The following GSE1 variants were observed in gnomAD, a reference collection of about 807,000 sequenced individuals.
GSE1 encodes the protein genetic suppressor element 1.
GSE1 carries 32 observed loss-of-function variants against 112.6 expected under a neutral mutation model. The observed-to-expected ratio is 0.28, with a 90% CI of 0.21 to 0.38. The LOEUF (loss-of-function observed/expected upper bound fraction) is 0.38, where lower values mean the gene tolerates loss of function less well. Among genes scored for constraint, GSE1 ranks in the 10% least tolerant of loss-of-function variants. The pLI, the probability that GSE1 is intolerant of heterozygous loss-of-function variation, is 1.00. For synonymous variants in GSE1, 1,115 were observed against 735.6 expected (o/e 1.52, Z -8.35); for missense variants, 2,348 against 1,699.2 (o/e 1.38, Z -6.71).
chr16:85,636,009 G>A (rs761930822), intron 2 of GSE1, among the ~76,000 whole-genome samples: 85 of 152,362 alleles, frequency 5.6e-4, no homozygotes, highest in African/African-American at 1.5e-3. Flanking sequence ...TTGGTGGCTC[G>A]GCCAGCGGGT....
chr16:85,625,230 T>G (rs539442882), intron 1 of GSE1, among the ~76,000 whole-genome samples: 10 of 152,254 alleles, frequency 6.6e-5, no homozygotes, highest in African/African-American at 2.4e-4. Context: ...CCGGCCTGCT[T>G]CTCCGCACAC....
upstream of GSE1, among the ~76,000 whole-genome samples, chr16:85,608,348 A>C (rs566628708): frequency 5.9e-5 from 9 of 152,116 alleles, no homozygotes; most frequent in South Asian, 1.9e-3. Context: ...TTGCCCCTGC[A>C]CCGGGGCTGG....
exon 1 of GSE1, chr16:85,170,909 A>C (rs2074349007): frequency 1.0e-6 from 1 of 985,432 alleles, no homozygotes; most frequent in South Asian, 4.7e-5. Context: ...ATGGCCTCTA[A>C]GGGCAGGAGG....
At chr16:85,528,489 T>G (rs1247771527) in intron 2 of GSE1, among the ~76,000 whole-genome samples, 1 of 151,358 alleles carries the variant, frequency 6.6e-6, no homozygotes, top group Non-Finnish European at 1.5e-5. Context: ...AATTTTTTTT[T>G]TTTTTTTAAT....
chr16:85,512,004 G>T (rs567147539), intron 2 of GSE1, among the ~76,000 whole-genome samples: 192 of 152,308 alleles, frequency 1.3e-3, no homozygotes, highest in African/African-American at 4.5e-3. Context: ...TGTAGTCAGG[G>T]TCTCCACGCA....
At chr16:85,252,487 C>T (rs916643755) in intron 1 of GSE1, among the ~76,000 whole-genome samples, 2 of 152,262 alleles carry the variant, frequency 1.3e-5, no homozygotes, top group Non-Finnish European at 2.9e-5. Context: ...TTCCCCTGAG[C>T]CCCTTGGGCA....
intron 1 of GSE1, among the ~76,000 whole-genome samples, chr16:85,630,288 C>T (rs574242769): frequency 1.8e-4 from 27 of 152,176 alleles, no homozygotes; most frequent in African/African-American, 5.3e-4. Flanking sequence ...GTCTGGCCCA[C>T]GCTTGGGGAA....
intron 1 of GSE1, among the ~76,000 whole-genome samples, chr16:85,232,083 G>A (rs1330743594): frequency 6.6e-6 from 1 of 152,230 alleles, no homozygotes; most frequent in Admixed American, 6.5e-5. Flanking sequence ...GAGACATAAA[G>A]CAGCAAAAGC....
intron 1 of GSE1, among the ~76,000 whole-genome samples, chr16:85,281,052 C>G (rs1278113678): frequency 2.6e-5 from 4 of 152,200 alleles, no homozygotes; most frequent in African/African-American, 9.6e-5. Flanking sequence ...AGATGAACGG[C>G]TCTCCCTGCT....
At chr16:85,648,821 G>C in intron 3 of GSE1, 70 bp downstream of exon 3, 5 of 870,024 alleles carry the variant, frequency 5.7e-6, no homozygotes, top group Non-Finnish European at 8.6e-6. Context: ...TCCATTGGGG[G>C]CTCTGGAGCT....
At chr16:85,196,903 C>T (rs1190907303) in intron 1 of GSE1, among the ~76,000 whole-genome samples, 1 of 152,078 alleles carries the variant, frequency 6.6e-6, no homozygotes, top group African/African-American at 2.4e-5. Flanking sequence ...GGGTTTCTCC[C>T]CTGTGAATAT....
chr16:85,178,065 C>T (rs529232746), intron 1 of GSE1, among the ~76,000 whole-genome samples: 1 of 152,276 alleles, frequency 6.6e-6, no homozygotes, highest in South Asian at 2.1e-4. Flanking sequence ...CCTCAGGGTG[C>T]TGGTGGGCGA....
chr16:85,624,484 G>C (rs1389961946), intron 1 of GSE1, among the ~76,000 whole-genome samples: 1 of 152,162 alleles, frequency 6.6e-6, no homozygotes, highest in African/African-American at 2.4e-5. Context: ...CGTAAAACGG[G>C]TATAGCACTA....
intron 1 of GSE1, among the ~76,000 whole-genome samples, chr16:85,327,393 A>G (rs2046247692): frequency 6.6e-6 from 1 of 152,204 alleles, no homozygotes. Flanking sequence ...GTTTGAGGCC[A>G]GGAGTTTAAG....
chr16:85,617,934 G>GC (rs1555547398), intron 1 of GSE1, among the ~76,000 whole-genome samples: 1 of 152,162 alleles, frequency 6.6e-6, no homozygotes, highest in Non-Finnish European at 1.5e-5. Context: ...GGACGGCGTG[G>GC]CACCTGTCAC....
rs751519766 is a variant in GSE1, at chr16:85,654,819, G to T, written c.625G>T (p.Val209Leu). The T allele has an allele frequency of 1.2e-6, 2 of 1,611,486 alleles. No homozygotes were observed. Among genetic ancestry groups the T allele is most frequent in the African/African-American group, 2.7e-5 (2 of 74,792 alleles). ...LNLQRPVHHV[V>L]PPSTVTEDYL... Reference sequence around the variant, plus strand: ...CCTCCAGCGGCCCGTGCACCACGTGGTGCCCCCCAGTACCGTGACCGAGGA... The same window carrying T: ...CCTCCAGCGGCCCGTGCACCACGTGTTGCCCCCCAGTACCGTGACCGAGGA... Residue 209 changes from valine to leucine, a missense_variant, in exon 5 of 16, where the codon GTG becomes TTG. Coordinates refer to ENST00000253458, the MANE Select transcript of GSE1 (RefSeq NM_014615.5).
chr16:85,648,754 G>A lies in GSE1; in HGVS notation c.426+3G>A. On this transcript the variant is annotated splice_donor_region_variant and intron_variant, in intron 3 of 15. Transcript: ENST00000253458. ...TCTGGAGGAGTGAGAGCCGGCAGGT[G>A]AGTGGGGCGGGGCAGGGAGCCTAGC... 5 of 1,570,074 alleles carry A rather than the reference G, an allele frequency of 3.2e-6. No individual in the cohort carries two copies. The highest frequency in any genetic ancestry group is 4.3e-6 in the Non-Finnish European group (5 of 1,157,060).
At chr16:85,555,646 C>T (rs1223906389), upstream of GSE1, 2 of 970,442 alleles carry the variant, frequency 2.1e-6, no homozygotes, top group Non-Finnish European at 2.4e-6. Flanking sequence ...CCGATTTCTC[C>T]TTGGCAACAA....
In GSE1 at chr16:85,655,871, C is replaced by G. The variant is rs369741196; in HGVS notation, c.943C>G (p.Leu315Val). The G allele has an allele frequency of 1.2e-6, 2 of 1,608,468 alleles. No homozygotes were observed. The highest frequency in any genetic ancestry group is 1.3e-5 in the African/African-American group (1 of 75,038). The change falls in exon 6 of 16, where the codon CTG becomes GTG. Residue 315 changes from leucine (L) to valine (V), a missense_variant. Physicochemically the swap from Leu to Val is conservative, Grantham distance 32 (BLOSUM62 1). Transcript: ENST00000253458. The stretch of plus-strand genomic sequence containing the variant: ...CCCTCCCGAGCTCTCCCACTCATCC[C>G]TGGCAGCGCTGCACTCGGAGCGCAT... ...RYPPELSHSS[L>V]AALHSERMSG...
Sources: allele counts gnomAD v4.1 joint callset (sites outside exome capture counted in the v4.1 genomes callset), GRCh38; gene constraint gnomAD v4.1.1; transcripts MANE v1.5; gene names NCBI Gene and HGNC (gene_info 2026-07-23, HGNC 2026-07-21).